Variants in MYO16 observed in about 807,000 individuals in gnomAD.
MYO16 encodes the protein myosin XVI.
Under a neutral mutation model 205.3 loss-of-function variants are expected in MYO16, and 94 were observed. That is an observed-to-expected ratio of 0.46 (90% confidence interval 0.39 to 0.54). The LOEUF is 0.54. Ranked by LOEUF, MYO16 falls within the 20% of genes least tolerant of loss-of-function variation. The probability of loss-of-function intolerance (pLI) is 0.00; values close to 1 mark genes in which losing one functional copy is unlikely to be tolerated. For synonymous variants in MYO16, 988 were observed against 954.0 expected (o/e 1.04, Z -0.66); for missense variants, 2,315 against 2,387.5 (o/e 0.97, Z 0.63).
intron 2 of MYO16, among the ~76,000 whole-genome samples, chr13:108,670,898 T>C (rs745349048): frequency 1.3e-5 from 2 of 152,226 alleles, no homozygotes; most frequent in African/African-American, 2.4e-5. Context: ...TAAAATCTGT[T>C]GATAACCACA....
In MYO16 at chr13:109,052,311, G is replaced by C; in HGVS notation, c.2884G>C (p.Val962Leu). 1.9e-6 allele frequency: 3 copies of C among 1,612,492 alleles called. No individual in the cohort carries two copies. The highest frequency in any genetic ancestry group is 2.5e-6 in the Non-Finnish European group (3 of 1,178,942). Residue 962 changes from valine (V) to leucine (L), a missense_variant, in exon 25 of 35, where the codon GTC becomes CTC. Transcript: ENST00000457511. Reference sequence around the variant, plus strand: ...TATTTATTTCCTAGCTAGTGAAAATGTCGTGATCAATCATTTGTTCCAGTC... The same window carrying C: ...TATTTATTTCCTAGCTAGTGAAAATCTCGTGATCAATCATTTGTTCCAGTC... ...LLFVMKTSEN[V>L]VINHLFQSKL...
At chr13:109,072,767 A>T (rs1431265) in intron 27 of MYO16, among the ~76,000 whole-genome samples, 73,207 of 151,998 alleles carry the variant, frequency 0.48, 17,878 homozygotes, top group Middle Eastern at 0.54. Context: ...AATATTTCAG[A>T]TAAACAACAA....
chr13:109,131,936 A>G (rs1876560809), intron 31 of MYO16, among the ~76,000 whole-genome samples: 1 of 152,182 alleles, frequency 6.6e-6, no homozygotes, highest in South Asian at 2.1e-4. Flanking sequence ...AAGCCCATGT[A>G]TGTCAAGTAG....
At position 109,206,732 on chromosome 13, in the gene MYO16, A is replaced by C. The variant is rs774152386; in HGVS notation, c.5539A>C (p.Arg1847=). The C allele has an allele frequency of 6.2e-7, 1 of 1,614,088 alleles. No homozygotes were observed. Among genetic ancestry groups the C allele is most frequent in the Non-Finnish European group, 8.5e-7 (1 of 1,180,042 alleles). ...GCAGATCCTGCACCACGCTGAGCCC[A>C]GGGTGCCTCCCCCACCACCTTGCAA... The part of the protein sequence containing the change: ...WQQILHHAEP[R]VPPPPPCKKP... The change falls in exon 35 of 35, where the codon AGG becomes CGG. Residue 1847 remains arginine (R), a synonymous_variant. Transcript: ENST00000457511.
At chr13:108,850,437 G>A (rs1485474528) in intron 10 of MYO16, among the ~76,000 whole-genome samples, 1 of 152,164 alleles carries the variant, frequency 6.6e-6, no homozygotes, top group Non-Finnish European at 1.5e-5. Flanking sequence ...ATTCTTCCTT[G>A]TCTTCTAAAT....
Position 108,844,378 on chromosome 13 carries a change from G to T in MYO16, c.1133G>T (p.Ser378Ile), listed in dbSNP as rs779742818. 1.9e-6 allele frequency: 3 copies of T among 1,613,222 alleles called. No homozygotes were observed. The highest frequency in any genetic ancestry group is 3.3e-5 in the Admixed American group (2 of 59,932). Residue 378 changes from serine to isoleucine, a missense_variant, in exon 10 of 35, where the codon AGT (serine) becomes ATT (isoleucine). Ser to Ile is a moderately radical substitution (Grantham distance 142). Coordinates refer to ENST00000457511, the MANE Select transcript of MYO16 (RefSeq NM_001198950.3). ...GTGTTACCAATTGCCAAGCAAGACA[G>T]TTTGTTGGAAAAAGACATTATGTTC... is the stretch of plus-strand genomic sequence containing the variant. ...PLVLPIAKQDSLLEKDIMFKD... is the reference protein window; with the variant it reads ...PLVLPIAKQDILLEKDIMFKD...
At chr13:108,592,861 AC>A (rs1183577280), upstream of MYO16, among the ~76,000 whole-genome samples, 6 of 152,118 alleles carry the variant, frequency 3.9e-5, no homozygotes, top group African/African-American at 1.4e-4. Context: ...AATTAAAAAA[AC>A]ATTGTATGCA....
At chr13:108,704,852 A>G (rs1313630318) in intron 2 of MYO16, among the ~76,000 whole-genome samples, 2 of 152,062 alleles carry the variant, frequency 1.3e-5, no homozygotes, top group African/African-American at 2.4e-5. Flanking sequence ...TAAAAGAAAT[A>G]TAGAGGAAAA....
intron 1 of MYO16, among the ~76,000 whole-genome samples, chr13:108,633,991 G>A (rs762297778): frequency 4.6e-5 from 7 of 151,982 alleles, no homozygotes; most frequent in Non-Finnish European, 7.4e-5. Flanking sequence ...TGTTCCACTC[G>A]AGTGACGAAT....
At chr13:109,114,639 T>G (rs1014308604) in intron 28 of MYO16, among the ~76,000 whole-genome samples, 1 of 152,218 alleles carries the variant, frequency 6.6e-6, no homozygotes, top group Non-Finnish European at 1.5e-5. Flanking sequence ...CAAGTGCACA[T>G]TTCCTTAGAG....
chr13:109,188,689 A>C (rs897493399), intron 34 of MYO16, among the ~76,000 whole-genome samples: 7 of 152,328 alleles, frequency 4.6e-5, no homozygotes, highest in African/African-American at 1.7e-4. Flanking sequence ...AAAGCAGGGA[A>C]GCCAACAGTG....
At chr13:108,686,656 G>A (rs995511928) in intron 2 of MYO16, among the ~76,000 whole-genome samples, 5 of 152,330 alleles carry the variant, frequency 3.3e-5, no homozygotes, top group African/African-American at 1.2e-4. Context: ...AGGAGCGAAT[G>A]TCTGAACCAA....
chr13:108,986,382 G>A (rs1259679434), intron 20 of MYO16, among the ~76,000 whole-genome samples: 1 of 152,030 alleles, frequency 6.6e-6, no homozygotes, highest in Non-Finnish European at 1.5e-5. Flanking sequence ...AGCACTTAAG[G>A]GAGGCTGAGG....
At chr13:109,111,919 C>T (rs1476226633) in intron 28 of MYO16, among the ~76,000 whole-genome samples, 1 of 152,138 alleles carries the variant, frequency 6.6e-6, no homozygotes, top group Non-Finnish European at 1.5e-5. Flanking sequence ...ATCTCCTGAC[C>T]TCATGATCCA....
chr13:108,887,980 TGCTAA>T (rs1879980908), intron 13 of MYO16, among the ~76,000 whole-genome samples: 1 of 152,144 alleles, frequency 6.6e-6, no homozygotes, highest in Admixed American at 6.5e-5. Flanking sequence ...TATGTTGACT[TGCTAA>T]GCTGAGTCAA....
intron 23 of MYO16, among the ~76,000 whole-genome samples, chr13:109,039,877 A>G (rs75453013): frequency 0.033 from 5,074 of 152,276 alleles, 130 homozygotes; most frequent in South Asian, 0.056. Context: ...GGAGAAAATC[A>G]ATGAAACAAA....
chr13:108,566,253 G>A, the MYO16 span, among the ~76,000 whole-genome samples: 59 of 152,004 alleles, frequency 3.9e-4, no homozygotes, highest in Non-Finnish European at 7.4e-4. Flanking sequence ...TTGAATATTG[G>A]TAGATTGTAT....
chr13:108,516,552 A>G, the MYO16 span, among the ~76,000 whole-genome samples: 1 of 152,236 alleles, frequency 6.6e-6, no homozygotes, highest in Non-Finnish European at 1.5e-5. Flanking sequence ...GAGAACTATA[A>G]CACACACAGA....
chr13:108,510,485 T>TTTTA, the MYO16 span, among the ~76,000 whole-genome samples: 2 of 96,472 alleles, frequency 2.1e-5, no homozygotes, highest in African/African-American at 8.3e-5. Context: ...TTTTTTTTTT[T>TTTTA]ATTGTACTTT....
Sources: allele counts gnomAD v4.1 joint callset (sites outside exome capture counted in the v4.1 genomes callset), GRCh38; gene constraint gnomAD v4.1.1; transcripts MANE v1.5; gene names NCBI Gene and HGNC (gene_info 2026-07-23, HGNC 2026-07-21).